Variants in SYN3 observed in about 807,000 individuals in gnomAD.
SYN3 encodes synapsin III.
Under a neutral mutation model 65.8 loss-of-function variants are expected in SYN3, and 35 were observed. The observed-to-expected ratio is 0.53, with a 90% CI of 0.41 to 0.70. The LOEUF is 0.70. Among genes scored for constraint, SYN3 ranks in the 30% least tolerant of loss-of-function variants. SYN3 has a pLI of 0.00. For missense variants in SYN3, 680 were observed against 749.0 expected, an observed-to-expected ratio of 0.91 and a Z score of 1.08; for synonymous variants, 270 against 292.9, an observed-to-expected ratio of 0.92 and a Z score of 0.80.
At chr22:32,688,939 A>G (rs1455960096) in intron 6 of SYN3, among the ~76,000 whole-genome samples, 2 of 152,182 alleles carry the variant, frequency 1.3e-5, no homozygotes, top group Non-Finnish European at 1.5e-5. Flanking sequence ...TCCTTGTGTT[A>G]GCACTGGGGC....
chr22:32,874,977 T>C (rs2048945710), intron 4 of SYN3, among the ~76,000 whole-genome samples: 1 of 152,122 alleles, frequency 6.6e-6, no homozygotes, highest in Non-Finnish European at 1.5e-5. Context: ...CCTGCAGACT[T>C]AGGGTACCAC....
chr22:32,588,381 C>T (rs902045367), intron 7 of SYN3, among the ~76,000 whole-genome samples: 1 of 152,316 alleles, frequency 6.6e-6, no homozygotes, highest in East Asian at 1.9e-4. Flanking sequence ...TTTGTGACTG[C>T]AGCCTCTCCT....
At chr22:33,053,900 A>G (rs1342297964) in intron 1 of SYN3, among the ~76,000 whole-genome samples, 2 of 152,178 alleles carry the variant, frequency 1.3e-5, no homozygotes, top group South Asian at 2.1e-4. Flanking sequence ...TGAATACTCA[A>G]TCATGACCAA....
intron 7 of SYN3, among the ~76,000 whole-genome samples, chr22:32,587,515 GA>G (rs2059066300): frequency 6.6e-6 from 1 of 152,162 alleles, no homozygotes; most frequent in African/African-American, 2.4e-5. Context: ...CAGTTGCGGG[GA>G]ACCTTTTGAT....
chr22:33,002,646 A>AAAAAC (rs1306015229), intron 2 of SYN3, among the ~76,000 whole-genome samples: 2 of 151,832 alleles, frequency 1.3e-5, no homozygotes, highest in Non-Finnish European at 2.9e-5. Context: ...TCCATCTCAA[A>AAAAAC]AAAACAAAAC....
chr22:32,652,306 T>C (rs970728894), intron 6 of SYN3, among the ~76,000 whole-genome samples: 2 of 151,862 alleles, frequency 1.3e-5, no homozygotes. Flanking sequence ...AGGTTCTTTG[T>C]TCCACGAGCC....
At chr22:32,619,226 C>A (rs1363515861) in intron 6 of SYN3, among the ~76,000 whole-genome samples, 1 of 152,174 alleles carries the variant, frequency 6.6e-6, no homozygotes, top group Non-Finnish European at 1.5e-5. Context: ...CCTACCTAAC[C>A]ATATGATCGT....
intron 7 of SYN3, among the ~76,000 whole-genome samples, chr22:32,577,002 C>T (rs1438761776): frequency 6.6e-6 from 1 of 152,124 alleles, no homozygotes; most frequent in African/African-American, 2.4e-5. Context: ...CCTGGCCTCA[C>T]TCCAGCCCAG....
chr22:32,704,515 C>A (rs562654065), intron 6 of SYN3, among the ~76,000 whole-genome samples: 1 of 152,168 alleles, frequency 6.6e-6, no homozygotes. Context: ...ATGAATAGTG[C>A]TGCAATGAAC....
intron 6 of SYN3, among the ~76,000 whole-genome samples, chr22:32,856,788 CCATTA>C (rs1268189730): frequency 6.6e-6 from 1 of 152,056 alleles, no homozygotes; most frequent in Admixed American, 6.5e-5. Flanking sequence ...ATTTTTGTAC[CCATTA>C]ATTATATCTC....
intron 6 of SYN3, among the ~76,000 whole-genome samples, chr22:32,696,255 A>C (rs2060735236): frequency 6.6e-6 from 1 of 152,214 alleles, no homozygotes; most frequent in African/African-American, 2.4e-5. Flanking sequence ...GCTGGCCCAG[A>C]AGTGACATAG....
chr22:32,960,782 G>T (rs977007274), intron 3 of SYN3, among the ~76,000 whole-genome samples: 2 of 152,172 alleles, frequency 1.3e-5, no homozygotes, highest in African/African-American at 2.4e-5. Flanking sequence ...GGGTCAGACG[G>T]ACCTGGGTTT....
chr22:32,807,374 A>G (rs2046782496), intron 6 of SYN3, among the ~76,000 whole-genome samples: 1 of 112,414 alleles, frequency 8.9e-6, no homozygotes, highest in East Asian at 2.2e-4. Context: ...TATATATTAT[A>G]TATAATATAT....
intron 4 of SYN3, among the ~76,000 whole-genome samples, chr22:32,871,509 A>G (rs1176600747): frequency 1.3e-5 from 2 of 152,306 alleles, no homozygotes; most frequent in East Asian, 1.9e-4. Flanking sequence ...AACCCTCAAA[A>G]GGCGTCTCTC....
intron 6 of SYN3, among the ~76,000 whole-genome samples, chr22:32,764,636 C>T (rs142275022): frequency 1.1e-3 from 168 of 152,276 alleles, no homozygotes; most frequent in African/African-American, 3.6e-3. Context: ...CATAATCTCC[C>T]GCTAATATCC....
chr22:32,816,997 C>A (rs761541266), intron 6 of SYN3, among the ~76,000 whole-genome samples: 2 of 151,498 alleles, frequency 1.3e-5, no homozygotes, highest in African/African-American at 4.9e-5. Context: ...GCGAGAGGAT[C>A]GCTTGAGCCC....
intron 3 of SYN3, among the ~76,000 whole-genome samples, chr22:32,966,162 T>A (rs1298557798): frequency 6.6e-6 from 1 of 151,900 alleles, no homozygotes; most frequent in African/African-American, 2.4e-5. Flanking sequence ...CTGGGAAGTG[T>A]GATGTAGACA....
chr22:32,741,448 T>C (rs2061404759), intron 6 of SYN3, among the ~76,000 whole-genome samples: 2 of 147,370 alleles, frequency 1.4e-5, no homozygotes, highest in South Asian at 2.2e-4. Flanking sequence ...CTCTGCCTCC[T>C]GGGTTCACAC....
intron 4 of SYN3, among the ~76,000 whole-genome samples, chr22:32,894,141 C>T (rs376961179): frequency 1.1e-4 from 16 of 152,142 alleles, no homozygotes; most frequent in Non-Finnish European, 1.8e-4. Context: ...ATGTCTTCTA[C>T]GCAATAAACT....
Sources: gnomAD v4.1 joint callset for allele counts (sites outside exome capture counted in the v4.1 genomes callset) on GRCh38, gnomAD v4.1.1 for gene constraint, MANE v1.5 for transcripts, NCBI Gene and HGNC (gene_info 2026-07-23, HGNC 2026-07-21) for gene names.